OCLN: variants seen among roughly 807,000 people sequenced by gnomAD.
OCLN encodes the protein phosphatase 1, regulatory subunit 115.
In OCLN, 21 loss-of-function variants were observed where a neutral mutation model predicts 47.9. The ratio of observed to expected loss-of-function variants is 0.44; its 90% CI spans 0.31 to 0.63. The LOEUF is 0.63. Ranked by LOEUF, OCLN falls within the 30% of genes least tolerant of loss-of-function variation. The pLI is 0.08. For synonymous variants in OCLN, 117 were observed against 198.4 expected (o/e 0.59, Z 3.45); for missense variants, 360 against 571.0 (o/e 0.63, Z 3.77).
Position 69,519,999 on chromosome 5 carries a change from G to A in OCLN, c.891+5890G>A, listed in dbSNP as rs142483472. Among the ~76,000 whole-genome samples the A allele has an allele frequency of 5.6e-3, 848 of 152,294 alleles. 6 individuals carry two copies. The highest frequency in any genetic ancestry group is 0.019 in the African/African-American group (791 of 41,556). On this transcript the variant is annotated intron_variant, in intron 4 of 8. Transcript: ENST00000396442. ...GTTTTTGAGACAGTCTCGCTCTGTT[G>A]CCAGGCTGGAGTGCGATGGCACGAT...
At chr5:69,495,977 G>A (rs922213137) in intron 1 of OCLN, among the ~76,000 whole-genome samples, 2 of 151,970 alleles carry the variant, frequency 1.3e-5, no homozygotes, top group Non-Finnish European at 2.9e-5. Flanking sequence ...TCACCTGGAA[G>A]ATTTATTAAA....
chr5:69,536,696 C>T (rs1216465561), intron 5 of OCLN, among the ~76,000 whole-genome samples: 11 of 151,294 alleles, frequency 7.3e-5, no homozygotes, highest in Admixed American at 4.6e-4. Flanking sequence ...AGGCCGGACG[C>T]GGTGGCTCAC....
intron 3 of OCLN, among the ~76,000 whole-genome samples, chr5:69,513,485 T>TG (rs1159166747): frequency 1.8e-4 from 27 of 152,320 alleles, no homozygotes; most frequent in Admixed American, 1.4e-3. Context: ...CAAGCATATG[T>TG]TTTGAACAAG....
At position 69,509,157 on chromosome 5, in the gene OCLN, G is replaced by C. The variant is rs1372195617; in HGVS notation, c.67G>C (p.Ala23Pro). 3.1e-6 allele frequency: 5 copies of C among 1,613,896 alleles called. No individual in the cohort carries two copies. The highest frequency in any genetic ancestry group is 4.2e-6 in the Non-Finnish European group (5 of 1,179,778). ...RPDEFKPNHYAPSNDIYGGEM... is the reference protein window; with the variant it reads ...RPDEFKPNHYPPSNDIYGGEM... ...TCATTTCAGCAAACCGAATCATTAT[G>C]CACCAAGCAATGACATATATGGTGG... The change falls in exon 3 of 9, where the codon GCA becomes CCA. Residue 23 changes from alanine to proline, a missense_variant. This residue lies in a region of OCLN where 314 missense variants were observed against 368.1 expected (regional missense o/e 0.85). Coordinates refer to ENST00000396442, the MANE Select transcript of OCLN (RefSeq NM_001205254.2).
chr5:69,498,581 T>C (rs1699499595), intron 1 of OCLN, among the ~76,000 whole-genome samples: 1 of 152,210 alleles, frequency 6.6e-6, no homozygotes, highest in Non-Finnish European at 1.5e-5. Context: ...GAGAGGTTGC[T>C]TCCAGGACCC....
intron 2 of OCLN, among the ~76,000 whole-genome samples, chr5:69,508,476 G>T (rs769998010): frequency 3.9e-5 from 6 of 152,086 alleles, no homozygotes; most frequent in African/African-American, 7.2e-5. Context: ...GAGTAGCTGG[G>T]ATTACAGGCG....
chr5:69,527,688 A>G (rs1580577975), intron 4 of OCLN, among the ~76,000 whole-genome samples: 1 of 152,088 alleles, frequency 6.6e-6, no homozygotes, highest in East Asian at 1.9e-4. Flanking sequence ...GGTCTTATTT[A>G]TAATTTGGTG....
chr5:69,513,570 T>C (rs1768843771), intron 3 of OCLN, among the ~76,000 whole-genome samples: 1 of 152,222 alleles, frequency 6.6e-6, no homozygotes, highest in Admixed American at 6.5e-5. Flanking sequence ...TTTAGAAGTA[T>C]ACCAATGATT....
intron 4 of OCLN, among the ~76,000 whole-genome samples, chr5:69,533,719 C>A (rs1374527620): frequency 1.3e-5 from 2 of 152,200 alleles, no homozygotes; most frequent in Non-Finnish European, 1.5e-5. Flanking sequence ...ATGGCACTAT[C>A]TCTGCTCACT....
chr5:69,521,281 T>G (rs972014513), intron 4 of OCLN, among the ~76,000 whole-genome samples: 1 of 152,252 alleles, frequency 6.6e-6, no homozygotes, highest in Non-Finnish European at 1.5e-5. Flanking sequence ...TAATTGCTCT[T>G]GGCAGCTGGG....
chr5:69,498,455 T>C (rs543073575), intron 1 of OCLN, among the ~76,000 whole-genome samples: 19 of 152,002 alleles, frequency 1.2e-4, no homozygotes, highest in African/African-American at 4.3e-4. Context: ...GATCACGCCA[T>C]TGCATTCCAG....
chr5:69,519,777 T>C lies in OCLN; in HGVS notation c.891+5668T>C, dbSNP rs549892353. Among the ~76,000 whole-genome samples the C allele has an allele frequency of 7.2e-5, 11 of 152,274 alleles. No homozygotes were observed. The South Asian group carries it at 2.1e-3, about 29-fold the overall frequency. On this transcript the variant is annotated intron_variant, in intron 4 of 8. Coordinates refer to ENST00000396442, the MANE Select transcript of OCLN (RefSeq NM_001205254.2). ...GGACCCCCATGTATACCCAAATCCATGCATATTCAAGTCCTGTAGTCGGTG... is the reference window on the plus strand; with the variant it reads ...GGACCCCCATGTATACCCAAATCCACGCATATTCAAGTCCTGTAGTCGGTG...
intron 3 of OCLN, among the ~76,000 whole-genome samples, chr5:69,510,184 A>G (rs763805874): frequency 4.6e-5 from 7 of 151,996 alleles, no homozygotes; most frequent in Non-Finnish European, 7.4e-5. Flanking sequence ...AAATTTGTCT[A>G]TTCTCTAGGT....
At chr5:69,511,239 T>C (rs1768775881) in intron 3 of OCLN, among the ~76,000 whole-genome samples, 1 of 88,132 alleles carries the variant, frequency 1.1e-5, no homozygotes, top group Admixed American at 1.1e-4. Flanking sequence ...CACGCCCAGC[T>C]AATTTTTTTT....
At chr5:69,529,744 G>A (rs765905661) in intron 4 of OCLN, among the ~76,000 whole-genome samples, 1 of 151,814 alleles carries the variant, frequency 6.6e-6, no homozygotes, top group Non-Finnish European at 1.5e-5. Flanking sequence ...CTGGGATTAC[G>A]GGCGTGCGTC....
chr5:69,516,545 A>C (rs1768978174), intron 4 of OCLN, among the ~76,000 whole-genome samples: 1 of 152,088 alleles, frequency 6.6e-6, no homozygotes, highest in African/African-American at 2.4e-5. Flanking sequence ...GAGAGGGCAA[A>C]ACTTTTGACA....
At chr5:69,522,731 A>ATT (rs887366720) in intron 4 of OCLN, among the ~76,000 whole-genome samples, 1 of 143,464 alleles carries the variant, frequency 7.0e-6, no homozygotes. Flanking sequence ...TTTCCCTTTT[A>ATT]TTTTTTTTTT....
intron 4 of OCLN, among the ~76,000 whole-genome samples, chr5:69,516,462 G>A (rs888341353): frequency 3.9e-5 from 6 of 152,012 alleles, no homozygotes; most frequent in African/African-American, 1.4e-4. Flanking sequence ...GTCCAGCTTC[G>A]GCTCGGCATC....
intron 7 of OCLN, among the ~76,000 whole-genome samples, chr5:69,548,538 T>C (rs2434511): frequency 0.61 from 89,216 of 146,870 alleles, 30,365 homozygotes; most frequent in South Asian, 0.76. Context: ...GCCAGGATGG[T>C]CTCGATCTCC....
Sources: allele counts gnomAD v4.1 joint callset (sites outside exome capture counted in the v4.1 genomes callset), GRCh38; gene constraint gnomAD v4.1.1; regional missense constraint gnomAD v4.1.1; transcripts MANE v1.5; gene names NCBI Gene and HGNC (gene_info 2026-07-23, HGNC 2026-07-21).